Variants in CLUH observed in about 807,000 individuals in gnomAD.
The protein encoded by CLUH is CLUH binding protein of NUMT mRNA, also known as clustered mitochondria protein homolog.
A neutral mutation model predicts 139.3 loss-of-function variants in CLUH; 77 were observed. The observed-to-expected ratio is 0.55, with a 90% confidence interval of 0.46 to 0.67. CLUH has a LOEUF of 0.67. CLUH is among the 30% of genes least tolerant of loss of function. The pLI is 0.00. For missense variants in CLUH, 1,876 were observed against 1,875.8 expected (o/e 1.00, Z 0.00); for synonymous variants, 999 against 801.6 (o/e 1.25, Z -4.16).
chr17:2,699,161 G>A (rs761313441), intron 9 of CLUH, among the ~76,000 whole-genome samples: 1 of 149,152 alleles, frequency 6.7e-6, no homozygotes, highest in Non-Finnish European at 1.5e-5. Flanking sequence ...CACCAGTTAT[G>A]TGCCAGGTGA....
In CLUH at chr17:2,694,452, C is replaced by A. The variant is rs769350670; in HGVS notation, c.2937+28G>T. Reference sequence around the variant, plus strand: ...ACGCAGCGGGGACACAGCGGGGACACAGCGGGGATGCTGTGAGCCATGCCC... The same window carrying A: ...ACGCAGCGGGGACACAGCGGGGACAAAGCGGGGATGCTGTGAGCCATGCCC... On this transcript the variant is annotated intron_variant, in intron 17 of 25. Transcript: ENST00000651024. The A allele has an allele frequency of 2.6e-6, 4 of 1,539,780 alleles. No homozygotes were observed. In the African/African-American group the frequency reaches 5.5e-5, roughly 21 times the overall value.
At chr17:2,700,549 A>G (rs753795595) in intron 8 of CLUH, 75 bp from the exon 9 acceptor site, 4 of 1,557,566 alleles carry the variant, frequency 2.6e-6, no homozygotes, top group South Asian at 1.2e-5. Flanking sequence ...CGCTCCTTCT[A>G]CCTTCCTGAG....
Position 2,698,436 on chromosome 17 carries a change from T to C in CLUH, c.1421A>G (p.Tyr474Cys). Residue 474 changes from tyrosine to cysteine, a missense_variant, in exon 10 of 26, where the codon TAC becomes TGC. This residue lies in a region of CLUH where 1,454 missense variants were observed against 1,384.4 expected (regional missense o/e 1.05). Transcript: ENST00000651024. ...FSLGFDVRDH[Y>C]KDFGGDVAAY... is the part of the protein sequence containing the mutation. Reference sequence around the variant, plus strand: ...CGCCACGTCCCCCCCGAAGTCCTTGTAGTGGTCTCGGACGTCGAAGCCCAG... The same window carrying C: ...CGCCACGTCCCCCCCGAAGTCCTTGCAGTGGTCTCGGACGTCGAAGCCCAG... 3 of 1,613,392 alleles carry C rather than the reference T, an allele frequency of 1.9e-6. No individual in the cohort carries two copies. The highest frequency in any genetic ancestry group is 4.5e-5 in the East Asian group (2 of 44,860).
intron 25 of CLUH, among the ~76,000 whole-genome samples, chr17:2,691,193 G>A (rs2069612392): frequency 1.3e-5 from 2 of 152,272 alleles, no homozygotes; most frequent in Non-Finnish European, 1.5e-5. Flanking sequence ...AGGGACTGGT[G>A]GGAAAACGCC....
chr17:2,711,721 A>C lies in CLUH; in HGVS notation c.-60T>G. The C allele has an allele frequency of 2.8e-6, 2 of 717,896 alleles. No homozygotes were observed. The highest frequency in any genetic ancestry group is 3.4e-6 in the Non-Finnish European group (2 of 585,822). The allele number at this position is 717,896 out of a possible 1,614,324, so 44.5% of individuals were successfully genotyped here. ...CGCCGCCCGCCGCGCCACTAACCCAAGTGCCCTGCGCGCCGCGGCTGCTGA... is the reference window on the plus strand; with the variant it reads ...CGCCGCCCGCCGCGCCACTAACCCACGTGCCCTGCGCGCCGCGGCTGCTGA... On this transcript the variant is annotated 5_prime_UTR_variant, in exon 1 of 26. Coordinates refer to ENST00000651024, the MANE Select transcript of CLUH (RefSeq NM_001366661.1).
rs910230506 is a variant in CLUH, at chr17:2,706,102, A to T, written c.101-1538T>A. On this transcript the variant is annotated intron_variant, in intron 1 of 25. Transcript: ENST00000651024. This position sits in a 1 kb window ranked among gnomAD's most constrained non-coding sequence, Gnocchi z 4.6. ...GCCCAGCTCTGCCCATCCCATCTAG[A>T]CCCCACCTCCCCTTCCCCACCCGGC... Among the ~76,000 whole-genome samples, 1 of 151,236 alleles carries T rather than the reference A, an allele frequency of 6.6e-6. No homozygotes were observed. The highest frequency in any genetic ancestry group is 6.6e-5 in the Admixed American group (1 of 15,188).
Position 2,704,295 on chromosome 17 carries a change from G to A in CLUH, c.303+67C>T. On this transcript the variant is annotated intron_variant, in intron 2 of 25. Coordinates refer to ENST00000651024, the MANE Select transcript of CLUH (RefSeq NM_001366661.1). This position sits in a 1 kb window ranked among gnomAD's most constrained non-coding sequence, Gnocchi z 5.7. The stretch of plus-strand genomic sequence containing the variant: ...GGCCGGTAGGAGCACGAGCAAGGCT[G>A]AGCTTTCCAGCTCACCCTCCCCAGC... 6.6e-7 allele frequency: 1 copy of A among 1,522,384 alleles called. No homozygotes were observed. The highest frequency in any genetic ancestry group is 1.2e-5 in the South Asian group (1 of 83,192). 94.3% of individuals were successfully genotyped at this position (1,522,384 alleles called of 1,614,324 possible). A position where few individuals can be genotyped will look rare whatever the true frequency, so the allele number is the denominator to read the frequency against.
intron 16 of CLUH, 35 bp downstream of exon 16, chr17:2,694,822 T>TGCC: frequency 3.7e-5 from 50 of 1,346,310 alleles, no homozygotes; most frequent in Middle Eastern, 2.2e-4. Context: ...ATCTGCCCAA[T>TGCC]CCCACCCACC....
intron 9 of CLUH, among the ~76,000 whole-genome samples, chr17:2,699,634 TC>T (rs1482844534): frequency 8.2e-6 from 1 of 122,622 alleles, no homozygotes; most frequent in Non-Finnish European, 1.9e-5. Flanking sequence ...GGCTGAGATT[TC>T]TTTTTTTTTT....
intron 19 of CLUH, 71 bp from the exon 20 acceptor site, chr17:2,692,931 C>T (rs1401862224): frequency 2.1e-6 from 3 of 1,430,264 alleles, no homozygotes; most frequent in South Asian, 2.8e-5. Context: ...CTGGCCCCGG[C>T]CCAGCAGCCC....
chr17:2,696,976 G>A (rs2069973009), intron 10 of CLUH, 34 bp from the exon 11 acceptor site: 5 of 1,465,866 alleles, frequency 3.4e-6, no homozygotes, highest in African/African-American at 1.4e-5. Flanking sequence ...AGCAGGAGCT[G>A]GACATCGGGG....
At chr17:2,693,401 C>T in intron 19 of CLUH, among the ~76,000 whole-genome samples, 1 of 70,380 alleles carries the variant, frequency 1.4e-5, no homozygotes, top group African/African-American at 4.2e-5. Context: ...GTCTCAGAAA[C>T]AAACAAACAA....
At chr17:2,691,932 CCCCCGCGGCCCCGCCCCCGCCCCG>C in intron 23 of CLUH, 37 bp from the exon 24 acceptor site, 1 of 1,129,116 alleles carries the variant, frequency 8.9e-7, no homozygotes, top group Non-Finnish European at 1.1e-6. Context: ...CCCCCCCGTG[CCCCCGCGGCCCCGCCCCCGCCCCG>C]CCACGCCCCC....
In CLUH at chr17:2,703,996, A is replaced by G. The variant is rs995947586; in HGVS notation, c.303+366T>C. ...CTGGCTCTGCCCTTGGAGATAACCCAATACTACCCTCCCCTCTGGCAGATG... is the reference window on the plus strand; with the variant it reads ...CTGGCTCTGCCCTTGGAGATAACCCGATACTACCCTCCCCTCTGGCAGATG... On this transcript the variant is annotated intron_variant, in intron 2 of 25. Transcript: ENST00000651024. This position sits in a 1 kb window ranked among gnomAD's most constrained non-coding sequence, Gnocchi z 4.2. Among the ~76,000 whole-genome samples, 7 of 152,074 alleles carry G rather than the reference A, an allele frequency of 4.6e-5. No individual in the cohort carries two copies. The highest frequency in any genetic ancestry group is 1.2e-4 in the African/African-American group (5 of 41,396).
intron 6 of CLUH, 26 bp from the exon 7 acceptor site, chr17:2,701,291 C>T (rs375392802): frequency 2.9e-4 from 463 of 1,607,542 alleles, no homozygotes; most frequent in Admixed American, 8.0e-4. Flanking sequence ...GGGCACTGAG[C>T]GGGGGCCCAG....
chr17:2,709,559 C>T (rs1253670199), intron 1 of CLUH, among the ~76,000 whole-genome samples: 1 of 152,182 alleles, frequency 6.6e-6, no homozygotes, highest in Non-Finnish European at 1.5e-5. Flanking sequence ...GGAGCCCTCC[C>T]CTGGGCAGAA....
At position 2,706,231 on chromosome 17, in the gene CLUH, G is replaced by A. The variant is rs80233800; in HGVS notation, c.101-1667C>T. 0.012 allele frequency among the ~76,000 whole-genome samples: 1,789 copies of A among 152,226 alleles called. 28 individuals carry two copies. The highest frequency in any genetic ancestry group is 0.035 in the African/African-American group (1,451 of 41,520). ...CTCAGGGAAGGGATGAGGCCAGTAC[G>A]GAAAGGCAGAGACCGGGGGGCCTGG... is the stretch of plus-strand genomic sequence containing the variant. On this transcript the variant is annotated intron_variant, in intron 1 of 25. Transcript: ENST00000651024. The surrounding 1 kb of genome is among the most constrained non-coding windows in gnomAD (Gnocchi z 4.6).
intron 25 of CLUH, among the ~76,000 whole-genome samples, chr17:2,691,132 C>A (rs545412138): frequency 3.5e-4 from 49 of 139,066 alleles, no homozygotes; most frequent in African/African-American, 1.3e-3. Flanking sequence ...GCTCCTCAGC[C>A]CCCCCCCGCC....
At position 2,694,872 on chromosome 17, in the gene CLUH, T is replaced by G. The variant is rs1325154032; in HGVS notation, c.2837A>C (p.Asp946Ala). 1 of 1,537,886 alleles carries G rather than the reference T, an allele frequency of 6.5e-7. No individual in the cohort carries two copies. The highest frequency in any genetic ancestry group is 8.8e-7 in the Non-Finnish European group (1 of 1,139,444). Reference protein sequence around the residue: ...NICQEAKNYFDFDLECETVDQ... With the variant: ...NICQEAKNYFAFDLECETVDQ... The stretch of plus-strand genomic sequence containing the variant: ...CCGCACGCACCACTCGAGGTCGAAG[T>G]CAAAGTAGTTCTTGGCCTCCTGGCA... The change falls in exon 16 of 26, where the codon GAC (aspartate) becomes GCC (alanine). Residue 946 changes from aspartate to alanine, a missense_variant. Around this residue, in one of 3 missense-constraint regions of CLUH, gnomAD observed 1,454 missense variants for 1,384.4 expected, o/e 1.05. Coordinates refer to ENST00000651024, the MANE Select transcript of CLUH (RefSeq NM_001366661.1).
Sources: gnomAD v4.1 joint callset for allele counts (sites outside exome capture counted in the v4.1 genomes callset) on GRCh38, gnomAD v4.1.1 for gene constraint, gnomAD v4.1.1 regional missense constraint, Gnocchi (gnomAD v3.1) non-coding constraint, MANE v1.5 for transcripts, NCBI Gene and HGNC (gene_info 2026-07-23, HGNC 2026-07-21) for gene names.